The following ADAMTSL3 variants were observed in gnomAD, a reference collection of about 807,000 sequenced individuals.
ADAMTSL3 encodes ADAMTS like 3, also known as ADAMTS-like protein 3.
Under a neutral mutation model 201.7 loss-of-function variants are expected in ADAMTSL3, and 128 were observed. The ratio of observed to expected loss-of-function variants is 0.63; its 90% CI spans 0.55 to 0.73. The LOEUF (loss-of-function observed/expected upper bound fraction) is 0.73. ADAMTSL3 is among the 30% of genes least tolerant of loss of function. The pLI, the probability that ADAMTSL3 is intolerant of heterozygous loss-of-function variation, is 0.00. For missense variants in ADAMTSL3, 1,990 were observed against 2,119.6 expected (o/e 0.94, Z 1.20); for synonymous variants, 738 against 748.4 (o/e 0.99, Z 0.23).
intron 23 of ADAMTSL3, among the ~76,000 whole-genome samples, chr15:84,007,358 A>G (rs950001456): frequency 9.2e-5 from 14 of 152,166 alleles, no homozygotes; most frequent in African/African-American, 3.4e-4. Flanking sequence ...ATAATTTTAG[A>G]TACATCTGGA....
At chr15:83,737,821 C>A (rs1431514380) in intron 3 of ADAMTSL3, among the ~76,000 whole-genome samples, 4 of 152,090 alleles carry the variant, frequency 2.6e-5, no homozygotes, top group Non-Finnish European at 5.9e-5. Context: ...GAGAAATATC[C>A]AGAAAACACT....
chr15:83,851,920 A>T (rs2141746705), intron 7 of ADAMTSL3, among the ~76,000 whole-genome samples: 1 of 152,308 alleles, frequency 6.6e-6, no homozygotes, highest in South Asian at 2.1e-4. Context: ...AACCAGTTCC[A>T]CTTTTTAGAG....
At chr15:83,764,397 G>A (rs774956822) in intron 3 of ADAMTSL3, among the ~76,000 whole-genome samples, 2 of 152,020 alleles carry the variant, frequency 1.3e-5, no homozygotes, top group African/African-American at 2.4e-5. Context: ...CCTGCCCCGC[G>A]CTCCACCCAA....
At chr15:84,025,622 G>A in intron 27 of ADAMTSL3, 186 bp downstream of exon 27, 1 of 596,132 alleles carries the variant, frequency 1.7e-6, no homozygotes, top group East Asian at 3.3e-5. Flanking sequence ...CTGTCTTCCA[G>A]TACAAAAGTG....
intron 7 of ADAMTSL3, among the ~76,000 whole-genome samples, chr15:83,857,038 C>T (rs960832018): frequency 9.2e-5 from 14 of 151,824 alleles, no homozygotes; most frequent in African/African-American, 3.4e-4. Flanking sequence ...TGAAGTGGTA[C>T]CTGATTGTGG....
intron 9 of ADAMTSL3, among the ~76,000 whole-genome samples, chr15:83,875,333 A>G (rs1183000666): frequency 6.6e-6 from 1 of 152,244 alleles, no homozygotes; most frequent in Non-Finnish European, 1.5e-5. Flanking sequence ...CTCTGCCTTC[A>G]GTACCCTTGC....
At position 83,982,931 on chromosome 15, in the gene ADAMTSL3, A is replaced by G; in HGVS notation, c.3303A>G (p.Arg1101=). 6.2e-7 allele frequency: 1 copy of G among 1,614,160 alleles called. No homozygotes were observed. Among genetic ancestry groups the G allele is most frequent in the East Asian group, 2.2e-5 (1 of 44,872 alleles). The stretch of plus-strand genomic sequence containing the variant: ...CAGCCCAGTTTGATGAGCTGATAAG[A>G]AACATGAGTCAGCTCATGGAAACCG... The part of the protein sequence containing the change: ...MDTAQFDELI[R]NMSQLMETGE... The change falls in exon 21 of 30, where the codon AGA becomes AGG. Residue 1101 remains arginine, a synonymous_variant. Transcript: ENST00000286744.
At chr15:83,811,305 A>G (rs1174604855) in intron 5 of ADAMTSL3, among the ~76,000 whole-genome samples, 2 of 152,212 alleles carry the variant, frequency 1.3e-5, no homozygotes, top group Non-Finnish European at 2.9e-5. Flanking sequence ...TAGTCATTCA[A>G]GAACAAATTT....
At chr15:83,823,990 CCTTCTCCTT>C in intron 6 of ADAMTSL3, among the ~76,000 whole-genome samples, 1 of 144,906 alleles carries the variant, frequency 6.9e-6, no homozygotes, top group African/African-American at 2.5e-5. Flanking sequence ...TCCTCCTCCT[CCTTCTCCTT>C]CTTCTTCCTC....
At chr15:83,954,619 C>A (rs992213266) in intron 19 of ADAMTSL3, among the ~76,000 whole-genome samples, 2 of 152,152 alleles carry the variant, frequency 1.3e-5, no homozygotes, top group Admixed American at 6.6e-5. Flanking sequence ...GTAGTCTTCA[C>A]AATCTGGGCT....
intron 19 of ADAMTSL3, among the ~76,000 whole-genome samples, chr15:83,952,782 G>C (rs1400714856): frequency 6.6e-6 from 1 of 150,550 alleles, no homozygotes; most frequent in Non-Finnish European, 1.5e-5. Flanking sequence ...CTCCAGCCTG[G>C]GCGACAGAGT....
chr15:83,758,113 A>G (rs1289491735), intron 3 of ADAMTSL3, among the ~76,000 whole-genome samples: 1 of 152,078 alleles, frequency 6.6e-6, no homozygotes, highest in Non-Finnish European at 1.5e-5. Context: ...TTGCATCCAC[A>G]TTTTCAGGTA....
In ADAMTSL3 at chr15:83,865,680, T is replaced by A. The variant is rs559900948; in HGVS notation, c.803-5122T>A. On this transcript the variant is annotated intron_variant, in intron 8 of 29. Transcript: ENST00000286744. ...AAACCCTAGAAGAAAACCTAGGCAA[T>A]ACCATTCAGGACATAGGCATGGGCA... Among the ~76,000 whole-genome samples the A allele has an allele frequency of 1.5e-4, 23 of 152,288 alleles. No individual in the cohort carries two copies. The South Asian group carries it at 1.9e-3, about 12-fold the overall frequency.
At chr15:83,743,382 G>A (rs1205061012) in intron 3 of ADAMTSL3, among the ~76,000 whole-genome samples, 2 of 151,788 alleles carry the variant, frequency 1.3e-5, no homozygotes, top group East Asian at 3.9e-4. Flanking sequence ...GCGCGGTGGC[G>A]GGCGCCTGTA....
chr15:83,751,970 C>T lies in ADAMTSL3; in HGVS notation c.190-21553C>T, dbSNP rs28636658. Among the ~76,000 whole-genome samples, 308 of 152,294 alleles carry T rather than the reference C, an allele frequency of 2.0e-3. 2 individuals carry two copies. The highest frequency in any genetic ancestry group is 5.0e-3 in the African/African-American group (209 of 41,552). The stretch of plus-strand genomic sequence containing the variant: ...GTGAAAAGATTCTGCATCATAACAA[C>T]AACCTATGCCCTAAAGAGGTAAAGA... On this transcript the variant is annotated intron_variant, in intron 3 of 29. Coordinates refer to ENST00000286744, the MANE Select transcript of ADAMTSL3 (RefSeq NM_207517.3).
intron 27 of ADAMTSL3, among the ~76,000 whole-genome samples, chr15:84,030,013 C>T (rs1455513791): frequency 6.6e-6 from 1 of 152,246 alleles, no homozygotes; most frequent in Non-Finnish European, 1.5e-5. Context: ...GCCTAGATTT[C>T]AGAGGAATGT....
chr15:84,030,593 C>T (rs2068389762), intron 27 of ADAMTSL3, among the ~76,000 whole-genome samples: 3 of 152,112 alleles, frequency 2.0e-5, no homozygotes, highest in Admixed American at 2.0e-4. Context: ...GCAGAAGAGA[C>T]TTGCCTTATT....
At chr15:83,990,601 C>A (rs1194494480) in intron 22 of ADAMTSL3, among the ~76,000 whole-genome samples, 1 of 152,114 alleles carries the variant, frequency 6.6e-6, no homozygotes, top group Non-Finnish European at 1.5e-5. Context: ...CTTCATCAAC[C>A]CCCTCCCCCA....
chr15:83,788,769 A>G (rs1005445570), intron 4 of ADAMTSL3, among the ~76,000 whole-genome samples: 1 of 151,848 alleles, frequency 6.6e-6, no homozygotes, highest in Non-Finnish European at 1.5e-5. Context: ...TATTTCCTTG[A>G]TGATTTCTTC....
Sources: gnomAD v4.1 joint callset for allele counts (sites outside exome capture counted in the v4.1 genomes callset) on GRCh38, gnomAD v4.1.1 for gene constraint, MANE v1.5 for transcripts, NCBI Gene and HGNC (gene_info 2026-07-23, HGNC 2026-07-21) for gene names.